The following BABAM2 variants were observed in gnomAD, a reference collection of about 807,000 sequenced individuals.
BABAM2 encodes BRISC and BRCA1 A complex member 2.
A neutral mutation model predicts 54.7 loss-of-function variants in BABAM2; 31 were observed. That is an observed-to-expected ratio of 0.57 (90% confidence interval 0.43 to 0.77). The LOEUF (loss-of-function observed/expected upper bound fraction) is 0.77, where lower values mean the gene tolerates loss of function less well. Ranked by LOEUF, BABAM2 falls within the 30% of genes least tolerant of loss-of-function variation. BABAM2 has a pLI of 0.00. For missense variants in BABAM2, 364 were observed against 455.8 expected (o/e 0.80, Z 1.83); for synonymous variants, 167 against 162.9 (o/e 1.03, Z -0.19).
At chr2:27,912,512 G>A (rs1666676630) in intron 2 of BABAM2, among the ~76,000 whole-genome samples, 1 of 152,164 alleles carries the variant, frequency 6.6e-6, no homozygotes, top group Non-Finnish European at 1.5e-5. Context: ...AAAAGAGTAT[G>A]TAAGTCAGAA....
chr2:28,197,751 A>T (rs1361203781), intron 7 of BABAM2, among the ~76,000 whole-genome samples: 1 of 152,216 alleles, frequency 6.6e-6, no homozygotes, highest in East Asian at 1.9e-4. Context: ...CTTCCTGAGC[A>T]ACCCTCTAGC....
intron 6 of BABAM2, among the ~76,000 whole-genome samples, chr2:28,092,041 A>G (rs1298282022): frequency 2.0e-5 from 3 of 152,298 alleles, no homozygotes; most frequent in Non-Finnish European, 4.4e-5. Context: ...AGAAAATTAC[A>G]AACCATTATA....
chr2:28,147,594 C>T (rs1426396564), intron 7 of BABAM2, among the ~76,000 whole-genome samples: 2 of 151,980 alleles, frequency 1.3e-5, no homozygotes, highest in Admixed American at 6.6e-5. Context: ...CTGCCTCAGC[C>T]TCCCGAGTAG....
chr2:28,101,153 A>G (rs1667047089), intron 6 of BABAM2, among the ~76,000 whole-genome samples: 1 of 152,182 alleles, frequency 6.6e-6, no homozygotes, highest in Non-Finnish European at 1.5e-5. Context: ...TCCAGGTTTT[A>G]AATAACTTAT....
At chr2:28,199,818 C>G (rs1678063680) in intron 7 of BABAM2, among the ~76,000 whole-genome samples, 1 of 152,146 alleles carries the variant, frequency 6.6e-6, no homozygotes, top group Non-Finnish European at 1.5e-5. Flanking sequence ...CCATTGTTGA[C>G]AGGTATGGAA....
At chr2:28,111,445 A>G (rs907218290) in intron 6 of BABAM2, among the ~76,000 whole-genome samples, 2 of 152,200 alleles carry the variant, frequency 1.3e-5, no homozygotes, top group Admixed American at 1.3e-4. Context: ...CTCCCATTTC[A>G]TAGTTTGCCT....
chr2:28,139,803 T>G (rs1670887248), intron 7 of BABAM2, among the ~76,000 whole-genome samples: 1 of 152,198 alleles, frequency 6.6e-6, no homozygotes, highest in Non-Finnish European at 1.5e-5. Context: ...TGTCTTCACT[T>G]CTTGTGGTTT....
intron 2 of BABAM2, among the ~76,000 whole-genome samples, chr2:27,908,359 C>T (rs1298749104): frequency 6.6e-6 from 1 of 152,062 alleles, no homozygotes; most frequent in Non-Finnish European, 1.5e-5. Flanking sequence ...GCAGCCTCAA[C>T]CTCCTGGGCT....
intron 5 of BABAM2, among the ~76,000 whole-genome samples, chr2:28,033,653 C>T (rs1044016690): frequency 1.3e-5 from 2 of 152,138 alleles, no homozygotes; most frequent in Admixed American, 6.5e-5. Flanking sequence ...TAAATTTCAG[C>T]ATGAGTTTTG....
chr2:28,227,959 A>G (rs1187715100), intron 7 of BABAM2, among the ~76,000 whole-genome samples: 2 of 152,106 alleles, frequency 1.3e-5, no homozygotes, highest in Admixed American at 6.6e-5. Flanking sequence ...TGAAAACTCC[A>G]GGTACAGAGA....
intron 11 of BABAM2, among the ~76,000 whole-genome samples, chr2:28,316,175 A>G (rs1689535725): frequency 6.6e-6 from 1 of 152,206 alleles, no homozygotes. Context: ...TTCAGATTTA[A>G]CAAGGCATCC....
chr2:28,141,300 A>G (rs904238951), intron 7 of BABAM2, among the ~76,000 whole-genome samples: 2 of 142,034 alleles, frequency 1.4e-5, no homozygotes, highest in East Asian at 3.9e-4. Flanking sequence ...TGTTCTAGCA[A>G]CCCTAAACCC....
intron 6 of BABAM2, among the ~76,000 whole-genome samples, chr2:28,056,191 G>A (rs1185624014): frequency 6.6e-6 from 1 of 152,124 alleles, no homozygotes; most frequent in African/African-American, 2.4e-5. Flanking sequence ...GCACTCTAAT[G>A]TGCAACAGGA....
intron 6 of BABAM2, among the ~76,000 whole-genome samples, chr2:28,113,060 TCTTGTAAATTTGTTTGAGTTC>T (rs1483715301): frequency 6.6e-6 from 1 of 152,226 alleles, no homozygotes; most frequent in East Asian, 1.9e-4. Context: ...TTTGTTATTT[TCTTGTAAATTTGTTTGAGTTC>T]CTTGTAGATT....
chr2:28,154,503 C>T (rs1672363681), intron 7 of BABAM2, among the ~76,000 whole-genome samples: 1 of 152,164 alleles, frequency 6.6e-6, no homozygotes, highest in Non-Finnish European at 1.5e-5. Flanking sequence ...CATTTGGTTA[C>T]TTTAATTAAT....
intron 7 of BABAM2, among the ~76,000 whole-genome samples, chr2:28,192,506 G>A (rs1321919521): frequency 6.7e-6 from 1 of 148,894 alleles, no homozygotes; most frequent in Non-Finnish European, 1.5e-5. Context: ...CATTTGACTG[G>A]GTTTATAGCT....
intron 4 of BABAM2, chr2:27,996,490 A>G (rs1268600072): frequency 6.5e-6 from 1 of 154,860 alleles, no homozygotes; most frequent in East Asian, 1.9e-4. Context: ...ATATTTAAAC[A>G]CACAAGCAGT....
At chr2:28,285,221 T>C (rs975628062) in intron 10 of BABAM2, among the ~76,000 whole-genome samples, 2 of 152,176 alleles carry the variant, frequency 1.3e-5, no homozygotes, top group African/African-American at 4.8e-5. Context: ...TTTTTTCCAG[T>C]CTTGGGAATG....
At chr2:28,026,256 C>T (rs1051157089) in intron 5 of BABAM2, among the ~76,000 whole-genome samples, 1 of 152,154 alleles carries the variant, frequency 6.6e-6, no homozygotes, top group African/African-American at 2.4e-5. Context: ...GATTATAAAT[C>T]ATTTTACTAT....
Sources: allele counts gnomAD v4.1 joint callset (sites outside exome capture counted in the v4.1 genomes callset), GRCh38; gene constraint gnomAD v4.1.1; transcripts MANE v1.5; gene names NCBI Gene and HGNC (gene_info 2026-07-23, HGNC 2026-07-21).